The following PFDN1 variants were observed in gnomAD, a reference collection of about 807,000 sequenced individuals.
The protein encoded by PFDN1 is prefoldin 1.
A neutral mutation model predicts 17.3 loss-of-function variants in PFDN1; 6 were observed. The observed-to-expected ratio is 0.35, with a 90% confidence interval of 0.19 to 0.69. The LOEUF is 0.69. PFDN1 is among the 30% of genes least tolerant of loss of function. The pLI is 0.65. For synonymous variants in PFDN1, 58 were observed against 50.1 expected, an observed-to-expected ratio of 1.16 and a Z score of -0.67; for missense variants, 113 against 146.2, an observed-to-expected ratio of 0.77 and a Z score of 1.17.
chr5:140,298,130 A>C (rs1254301471), intron 2 of PFDN1, among the ~76,000 whole-genome samples: 1 of 152,206 alleles, frequency 6.6e-6, no homozygotes, highest in Non-Finnish European at 1.5e-5. Flanking sequence ...TCTTAAACTA[A>C]AATGAAATAT....
intron 2 of PFDN1, among the ~76,000 whole-genome samples, chr5:140,288,449 C>A (rs1429738002): frequency 6.6e-6 from 1 of 152,088 alleles, no homozygotes. Flanking sequence ...AGGTGGAGCA[C>A]AAGGAATTTG....
intron 3 of PFDN1, among the ~76,000 whole-genome samples, chr5:140,252,713 T>C (rs952944139): frequency 6.6e-6 from 1 of 152,096 alleles, no homozygotes; most frequent in African/African-American, 2.4e-5. Context: ...AAGCATGTTT[T>C]GATGGGGGAC....
chr5:140,297,479 T>G (rs1327944562), intron 2 of PFDN1, among the ~76,000 whole-genome samples: 2 of 152,164 alleles, frequency 1.3e-5, no homozygotes, highest in African/African-American at 4.8e-5. Flanking sequence ...GCTATTCACC[T>G]TACATGCCCC....
intron 2 of PFDN1, among the ~76,000 whole-genome samples, chr5:140,292,304 AAGAC>A (rs994443766): frequency 4.6e-5 from 7 of 152,218 alleles, no homozygotes; most frequent in Non-Finnish European, 8.8e-5. Context: ...TGAGTATTAG[AAGAC>A]AGACAGAGAG....
intron 3 of PFDN1, chr5:140,262,678 A>G (rs1561498018): frequency 5.4e-6 from 2 of 370,580 alleles, no homozygotes. Flanking sequence ...CACGGAATGA[A>G]AAGATACGGA....
In PFDN1 at chr5:140,270,836, G is replaced by C. The variant is rs528311250; in HGVS notation, c.285+10613C>G. ...AGCTACTTGGGAGGCTGAGGTAGGA[G>C]AATGGTGTGAACCTGGGAGGTGGAG... is the stretch of plus-strand genomic sequence containing the variant. On this transcript the variant is annotated intron_variant, in intron 3 of 3. Transcript: ENST00000261813. 2.0e-5 allele frequency among the ~76,000 whole-genome samples: 3 copies of C among 152,268 alleles called. No homozygotes were observed. In the South Asian group the frequency reaches 6.2e-4, roughly 32 times the overall value.
chr5:140,266,427 T>C (rs1765134569), intron 3 of PFDN1, among the ~76,000 whole-genome samples: 1 of 152,212 alleles, frequency 6.6e-6, no homozygotes, highest in African/African-American at 2.4e-5. Flanking sequence ...CCCAAAGCTA[T>C]GGGTAAATAC....
intron 3 of PFDN1, among the ~76,000 whole-genome samples, chr5:140,276,775 C>T (rs1349498569): frequency 3.5e-5 from 3 of 85,396 alleles, no homozygotes; most frequent in African/African-American, 1.1e-4. Context: ...AGTGAGACAC[C>T]GTCTCAAAAA....
At chr5:140,271,817 T>C (rs372649460) in intron 3 of PFDN1, among the ~76,000 whole-genome samples, 2 of 151,942 alleles carry the variant, frequency 1.3e-5, no homozygotes, top group East Asian at 1.9e-4. Context: ...AACACAGATA[T>C]ACTTCACAAA....
chr5:140,300,127 C>T (rs2126703844), intron 2 of PFDN1, among the ~76,000 whole-genome samples: 1 of 152,244 alleles, frequency 6.6e-6, no homozygotes, highest in East Asian at 1.9e-4. Context: ...GCAACCTCCA[C>T]CTCCGGGGTT....
At chr5:140,283,197 A>C (rs1235225426) in intron 2 of PFDN1, among the ~76,000 whole-genome samples, 3 of 152,188 alleles carry the variant, frequency 2.0e-5, no homozygotes, top group Admixed American at 2.0e-4. Context: ...CTTTTACTCC[A>C]CTAATTATTA....
rs1483965803 is a variant in PFDN1 at position 140,254,141 on chromosome 5, A to G, written c.286-8084T>C. On this transcript the variant is annotated intron_variant, in intron 3 of 3. Transcript: ENST00000261813. The surrounding 1 kb of genome is among the most constrained non-coding windows in gnomAD (Gnocchi z 4.4). ...CATTGTAGCACAAAAGCAGTCAGACAATGTGTAAACAAATGGGTGTGGTGC... is the reference window on the plus strand; with the variant it reads ...CATTGTAGCACAAAAGCAGTCAGACGATGTGTAAACAAATGGGTGTGGTGC... Among the ~76,000 whole-genome samples, 1 of 152,214 alleles carries G rather than the reference A, an allele frequency of 6.6e-6. No homozygotes were observed.
chr5:140,288,855 G>A (rs1010644148), intron 2 of PFDN1, among the ~76,000 whole-genome samples: 10 of 151,962 alleles, frequency 6.6e-5, no homozygotes, highest in Admixed American at 2.0e-4. Flanking sequence ...ACATGGTGGC[G>A]GGTACCTGTA....
At chr5:140,253,926 C>G (rs535243692) in intron 3 of PFDN1, among the ~76,000 whole-genome samples, 4 of 152,308 alleles carry the variant, frequency 2.6e-5, no homozygotes, top group Admixed American at 1.3e-4. Context: ...AACCAGAAAC[C>G]CTGGGGATGG....
chr5:140,270,968 T>C (rs997488510), intron 3 of PFDN1, among the ~76,000 whole-genome samples: 3 of 152,138 alleles, frequency 2.0e-5, no homozygotes, highest in African/African-American at 7.2e-5. Context: ...ACATCTAAGT[T>C]CTCATTGGAT....
intron 3 of PFDN1, among the ~76,000 whole-genome samples, chr5:140,271,960 ATATT>A (rs1561503677): frequency 6.9e-6 from 1 of 144,400 alleles, no homozygotes; most frequent in Non-Finnish European, 1.5e-5. Flanking sequence ...CATAATATAT[ATATT>A]TATATACATA....
chr5:140,276,739 C>A (rs1052762570), intron 3 of PFDN1, among the ~76,000 whole-genome samples: 5 of 141,132 alleles, frequency 3.5e-5, no homozygotes, highest in Non-Finnish European at 7.5e-5. Flanking sequence ...CAAGATAGCG[C>A]CACTGCACTC....
At chr5:140,295,670 C>T (rs1452521018) in intron 2 of PFDN1, among the ~76,000 whole-genome samples, 1 of 152,116 alleles carries the variant, frequency 6.6e-6, no homozygotes, top group African/African-American at 2.4e-5. Flanking sequence ...CTTTGAGCAA[C>T]AAATACTCAG....
chr5:140,295,564 T>C (rs943495131), intron 2 of PFDN1, among the ~76,000 whole-genome samples: 1 of 152,118 alleles, frequency 6.6e-6, no homozygotes, highest in Non-Finnish European at 1.5e-5. Flanking sequence ...AAATTGGTGG[T>C]AGTAGTATCA....
Sources: gnomAD v4.1 joint callset for allele counts (sites outside exome capture counted in the v4.1 genomes callset) on GRCh38, gnomAD v4.1.1 for gene constraint, Gnocchi (gnomAD v3.1) non-coding constraint, MANE v1.5 for transcripts, NCBI Gene and HGNC (gene_info 2026-07-23, HGNC 2026-07-21) for gene names.